The following CAMTA1 variants were observed in gnomAD, a reference collection of about 807,000 sequenced individuals.
The protein encoded by CAMTA1 is calmodulin binding transcription activator 1.
CAMTA1 carries 27 observed loss-of-function variants against 170.9 expected under a neutral mutation model. The ratio of observed to expected loss-of-function variants is 0.16; its 90% confidence interval spans 0.12 to 0.22. The LOEUF (loss-of-function observed/expected upper bound fraction) is 0.22. Ranked by LOEUF, CAMTA1 falls within the 10% of genes least tolerant of loss-of-function variation. The pLI, the probability that CAMTA1 is intolerant of heterozygous loss-of-function variation, is 1.00. For synonymous variants in CAMTA1, 833 were observed against 891.5 expected (o/e 0.93, Z 1.17); for missense variants, 1,619 against 2,217.2 (o/e 0.73, Z 5.42).
intron 10 of CAMTA1, among the ~76,000 whole-genome samples, chr1:7,675,082 G>A (rs151177945): frequency 6.6e-6 from 1 of 152,326 alleles, no homozygotes; most frequent in African/African-American, 2.4e-5. Flanking sequence ...GAACATGGAT[G>A]AGCAGAGGCC....
At chr1:7,349,035 C>A (rs967574144) in intron 5 of CAMTA1, among the ~76,000 whole-genome samples, 1 of 152,190 alleles carries the variant, frequency 6.6e-6, no homozygotes, top group African/African-American at 2.4e-5. Context: ...GTAATCCCGT[C>A]ATTTGTCTGT....
chr1:6,956,653 G>T (rs1282575027), intron 3 of CAMTA1, among the ~76,000 whole-genome samples: 2 of 152,112 alleles, frequency 1.3e-5, no homozygotes, highest in African/African-American at 4.8e-5. Context: ...GAGATAACCA[G>T]GCTTAATGGG....
chr1:6,895,874 A>C (rs982436220), intron 3 of CAMTA1, among the ~76,000 whole-genome samples: 1 of 151,962 alleles, frequency 6.6e-6, no homozygotes, highest in African/African-American at 2.4e-5. Flanking sequence ...TTACTGTCTG[A>C]AATTGTCTCT....
At chr1:7,677,820 G>A in intron 11 of CAMTA1, 87 bp downstream of exon 11, 2 of 1,482,780 alleles carry the variant, frequency 1.3e-6, no homozygotes, top group South Asian at 2.6e-5. Context: ...AGAAGAGTAA[G>A]CACCCAGAAA....
At chr1:6,896,239 A>G (rs907565482) in intron 3 of CAMTA1, among the ~76,000 whole-genome samples, 8 of 152,212 alleles carry the variant, frequency 5.3e-5, no homozygotes, top group East Asian at 3.8e-4. Flanking sequence ...TGTCCCTAGA[A>G]GGACATGAAA....
intron 11 of CAMTA1, among the ~76,000 whole-genome samples, chr1:7,704,894 G>A (rs2096491578): frequency 6.8e-6 from 1 of 146,732 alleles, no homozygotes; most frequent in Non-Finnish European, 1.5e-5. Context: ...AGCAGGTCCG[G>A]GTAGGTGCGC....
At chr1:7,398,189 CT>C (rs2089550560) in intron 5 of CAMTA1, among the ~76,000 whole-genome samples, 1 of 32,316 alleles carries the variant, frequency 3.1e-5, no homozygotes, top group South Asian at 1.2e-3. Flanking sequence ...CTCTCTCTCT[CT>C]CTCTATATAT....
At position 6,933,155 on chromosome 1, in the gene CAMTA1, C is replaced by A. The variant is rs2136524; in HGVS notation, c.234+107945C>A. On this transcript the variant is annotated intron_variant, in intron 3 of 22. Transcript: ENST00000303635. ...GCTGTTCACAGCCTCGAACCCCTGA[C>A]CTCACATGATCCTTCTGCCTCAGCC... 1.9e-3 allele frequency among the ~76,000 whole-genome samples: 286 copies of A among 152,232 alleles called. 3 individuals carry two copies. The highest frequency in any genetic ancestry group is 0.019 in the East Asian group (96 of 5,188).
chr1:6,993,677 C>T (rs749862129), intron 3 of CAMTA1, among the ~76,000 whole-genome samples: 9 of 152,130 alleles, frequency 5.9e-5, no homozygotes, highest in Non-Finnish European at 1.3e-4. Context: ...CCATTTCCAG[C>T]CTTCTGATGT....
At chr1:7,246,380 T>G (rs1030021728) in intron 4 of CAMTA1, among the ~76,000 whole-genome samples, 1 of 152,212 alleles carries the variant, frequency 6.6e-6, no homozygotes, top group Non-Finnish European at 1.5e-5. Context: ...CGTGCCCCAC[T>G]GGTACCGGGC....
intron 5 of CAMTA1, among the ~76,000 whole-genome samples, chr1:7,433,253 C>G (rs534135443): frequency 2.0e-5 from 3 of 152,226 alleles, no homozygotes; most frequent in Non-Finnish European, 4.4e-5. Flanking sequence ...AAGGGCTGTG[C>G]TGCCTGCATC....
intron 11 of CAMTA1, among the ~76,000 whole-genome samples, chr1:7,704,161 CCGCCGCCGCAGGGCG>C (rs985761752): frequency 1.3e-5 from 2 of 150,050 alleles, no homozygotes; most frequent in Admixed American, 1.3e-4. Flanking sequence ...ATTGCAGACG[CCGCCGCCGCAGGGCG>C]CGCCGGGGCC....
At chr1:6,860,218 G>A (rs1664145510) in intron 3 of CAMTA1, among the ~76,000 whole-genome samples, 1 of 151,968 alleles carries the variant, frequency 6.6e-6, no homozygotes, top group Non-Finnish European at 1.5e-5. Context: ...AATCTTTTTG[G>A]CCTTGATGGC....
At chr1:6,865,083 G>A (rs1224789068) in intron 3 of CAMTA1, among the ~76,000 whole-genome samples, 2 of 152,176 alleles carry the variant, frequency 1.3e-5, no homozygotes, top group East Asian at 1.9e-4. Context: ...AGAATTACAG[G>A]TGTGAGCCAC....
rs116323785 is a variant in CAMTA1, at chr1:7,674,229, C to T, written c.2779+3192C>T. Among the ~76,000 whole-genome samples the T allele has an allele frequency of 6.7e-3, 1,016 of 152,332 alleles. 4 individuals carry two copies. The highest frequency in any genetic ancestry group is 0.01 in the Admixed American group (158 of 15,300). On this transcript the variant is annotated intron_variant, in intron 10 of 22. Coordinates refer to ENST00000303635, the MANE Select transcript of CAMTA1 (RefSeq NM_015215.4). The surrounding 1 kb of genome is among the most constrained non-coding windows in gnomAD (Gnocchi z 4.1). The stretch of plus-strand genomic sequence containing the variant: ...GGGTCCTGCCCTGGCAGCTCCCACA[C>T]CGTCACAGGTGGCAGGAGACACGCA...
intron 5 of CAMTA1, among the ~76,000 whole-genome samples, chr1:7,417,159 G>A (rs1357450453): frequency 7.2e-5 from 11 of 152,220 alleles, no homozygotes; most frequent in East Asian, 3.9e-4. Flanking sequence ...AGGAGTACCC[G>A]GCCGTGTGAG....
chr1:6,864,224 AC>A (rs1665793059), intron 3 of CAMTA1, among the ~76,000 whole-genome samples: 1 of 152,162 alleles, frequency 6.6e-6, no homozygotes, highest in Non-Finnish European at 1.5e-5. Flanking sequence ...TGAATCCAAA[AC>A]AATTCCTGCT....
intron 4 of CAMTA1, among the ~76,000 whole-genome samples, chr1:7,220,305 G>A (rs189010194): frequency 2.6e-4 from 40 of 152,234 alleles, no homozygotes; most frequent in African/African-American, 6.5e-4. Flanking sequence ...AGGCCTCCTC[G>A]AAGGACAGGG....
chr1:7,062,156 G>T (rs968648511), intron 3 of CAMTA1, among the ~76,000 whole-genome samples: 1 of 152,052 alleles, frequency 6.6e-6, no homozygotes, highest in African/African-American at 2.4e-5. Flanking sequence ...GACCTCAGGC[G>T]ATCCACCCGC....
Sources: allele counts gnomAD v4.1 joint callset (sites outside exome capture counted in the v4.1 genomes callset), GRCh38; gene constraint gnomAD v4.1.1; non-coding constraint Gnocchi (gnomAD v3.1); transcripts MANE v1.5; gene names NCBI Gene and HGNC (gene_info 2026-07-23, HGNC 2026-07-21).